The following NBEAL1 variants were observed in gnomAD, a reference collection of about 807,000 sequenced individuals.
The protein encoded by NBEAL1 is neurobeachin like 1.
A neutral mutation model predicts 351.3 loss-of-function variants in NBEAL1; 273 were observed. The ratio of observed to expected loss-of-function variants is 0.78; its 90% CI spans 0.70 to 0.86. The LOEUF (loss-of-function observed/expected upper bound fraction) is 0.86. Ranked by LOEUF, NBEAL1 falls within the 40% of genes least tolerant of loss-of-function variation. The pLI, the probability that NBEAL1 is intolerant of heterozygous loss-of-function variation, is 0.00. For missense variants in NBEAL1, 2,961 were observed against 3,201.3 expected (o/e 0.92, Z 1.81); for synonymous variants, 1,050 against 1,086.4 (o/e 0.97, Z 0.66).
intron 46 of NBEAL1, among the ~76,000 whole-genome samples, chr2:203,193,147 T>A (rs2065143363): frequency 6.6e-6 from 1 of 151,890 alleles, no homozygotes; most frequent in Middle Eastern, 3.2e-3. Context: ...AATTTTTGTA[T>A]TTTTAGTAGA....
At chr2:203,040,402 A>T (rs2061120938) in intron 2 of NBEAL1, 1 of 713,228 alleles carries the variant, frequency 1.4e-6, no homozygotes, top group Non-Finnish European at 2.5e-6. Flanking sequence ...GATTAATGGC[A>T]TGAGTTTACC....
chr2:203,161,627 TCAAA>T (rs1559025518), intron 36 of NBEAL1, among the ~76,000 whole-genome samples: 1 of 122,612 alleles, frequency 8.2e-6, no homozygotes, highest in African/African-American at 3.2e-5. Flanking sequence ...AGACTCCGTC[TCAAA>T]TAAATAAATA....
At chr2:203,037,885 T>A (rs1315555189) in intron 2 of NBEAL1, among the ~76,000 whole-genome samples, 1 of 148,766 alleles carries the variant, frequency 6.7e-6, no homozygotes, top group East Asian at 1.9e-4. Flanking sequence ...GGCTCAGGAG[T>A]TTGAGGCCAT....
At position 203,208,704 on chromosome 2, in the gene NBEAL1, T is replaced by TGAG. The variant is rs1431469471; in HGVS notation, c.7575_7577dup (p.Leu2525_Ser2526insArg). On this transcript the variant is annotated inframe_insertion, in exon 52 of 56. Coordinates refer to ENST00000683969, the MANE Select transcript of NBEAL1 (RefSeq NM_001378026.1). ...CTTTATGGACACACCAACGAGGTACTGAGTGTCGGCATCAGCACTGAGCTA... is the reference window on the plus strand; with the variant it reads ...CTTTATGGACACACCAACGAGGTACTGAGGAGTGTCGGCATCAGCACTGAGCTA... 2.0e-5 allele frequency: 32 copies of TGAG among 1,612,588 alleles called. No individual in the cohort carries two copies. Among genetic ancestry groups the TGAG allele is most frequent in the Non-Finnish European group, 2.5e-5 (30 of 1,179,712 alleles).
At chr2:203,033,951 A>AC (rs1227436019) in intron 2 of NBEAL1, among the ~76,000 whole-genome samples, 10 of 151,208 alleles carry the variant, frequency 6.6e-5, no homozygotes, top group South Asian at 4.2e-4. Context: ...CTACACATTT[A>AC]CCCCCCCACC....
At chr2:203,122,702 C>T (rs935915277) in intron 19 of NBEAL1, among the ~76,000 whole-genome samples, 14 of 152,076 alleles carry the variant, frequency 9.2e-5, no homozygotes, top group African/African-American at 2.9e-4. Context: ...TTTTCATTGG[C>T]CTCATATTTA....
chr2:203,132,058 T>A lies in NBEAL1; in HGVS notation c.3650T>A (p.Leu1217Gln). 6.4e-7 allele frequency: 1 copy of A among 1,553,854 alleles called. No homozygotes were observed. Among genetic ancestry groups the A allele is most frequent in the African/African-American group, 1.4e-5 (1 of 73,760 alleles). The change falls in exon 26 of 56, where the codon CTG (leucine) becomes CAG (glutamine). Residue 1217 changes from leucine (L) to glutamine (Q), a missense_variant. Physicochemically the swap from Leu to Gln is moderately radical, Grantham distance 113 (BLOSUM62 -2). Coordinates refer to ENST00000683969, the MANE Select transcript of NBEAL1 (RefSeq NM_001378026.1). ...CTCAGAGAAGTTGGCTACTCGGGAC[T>A]GGGACTCCTTCTTAATGAAGCACTT... is the stretch of plus-strand genomic sequence containing the variant. ...IRLREVGYSG[L>Q]GLLLNEALVN...
intron 8 of NBEAL1, among the ~76,000 whole-genome samples, chr2:203,081,921 G>A (rs2061880935): frequency 6.6e-6 from 1 of 152,142 alleles, no homozygotes; most frequent in Admixed American, 6.5e-5. Context: ...GGCAACACAG[G>A]GAGACCCTGT....
intron 7 of NBEAL1, among the ~76,000 whole-genome samples, chr2:203,075,884 C>T (rs79898360): frequency 0.026 from 3,932 of 152,200 alleles, 163 homozygotes; most frequent in African/African-American, 0.088. Flanking sequence ...GAAAGCCATG[C>T]GTAGTACCAG....
chr2:203,136,585 T>G lies in NBEAL1; in HGVS notation c.4390-14T>G, dbSNP rs1285929734. On this transcript the variant is annotated splice_polypyrimidine_tract_variant and intron_variant, in intron 28 of 55. Transcript: ENST00000683969. ...ACCCTCTAGTTATTTAAAATTACTT[T>G]ATATTTTCCATAGAGATGTGAGGAG... 1 of 1,580,242 alleles carries G rather than the reference T, an allele frequency of 6.3e-7. No homozygotes were observed. The highest frequency in any genetic ancestry group is 2.2e-5 in the East Asian group (1 of 44,624).
At chr2:203,072,039 C>A (rs1324499167) in intron 7 of NBEAL1, among the ~76,000 whole-genome samples, 1 of 152,194 alleles carries the variant, frequency 6.6e-6, no homozygotes, top group African/African-American at 2.4e-5. Flanking sequence ...CATCCTGGCC[C>A]ACTGAAACTT....
intron 27 of NBEAL1, among the ~76,000 whole-genome samples, 152 bp from the exon 28 acceptor site, chr2:203,135,525 T>C (rs2063180056): frequency 6.6e-6 from 1 of 152,212 alleles, no homozygotes. Flanking sequence ...CCAAATAGTT[T>C]ATAATCTAAT....
chr2:203,112,000 A>G lies in NBEAL1; in HGVS notation c.2104A>G (p.Met702Val). The change falls in exon 16 of 56, where the codon ATG (methionine) becomes GTG (valine). Residue 702 changes from methionine to valine, a missense_variant. By Grantham distance (21) the Met-to-Val change is conservative (BLOSUM62 1). Coordinates refer to ENST00000683969, the MANE Select transcript of NBEAL1 (RefSeq NM_001378026.1). Reference sequence around the variant, plus strand: ...CCAGCACAACATAACTGTTGTCCACATGCCTGGAAAAAGGCCTTTTGGTCA... The same window carrying G: ...CCAGCACAACATAACTGTTGTCCACGTGCCTGGAAAAAGGCCTTTTGGTCA... Reference protein sequence around the residue: ...SLWHNITVVHMPGKRPFGQSF... With the variant: ...SLWHNITVVHVPGKRPFGQSF... 6.4e-7 allele frequency: 1 copy of G among 1,551,586 alleles called. No individual in the cohort carries two copies. Among genetic ancestry groups the G allele is most frequent in the Non-Finnish European group, 8.7e-7 (1 of 1,146,988 alleles).
At chr2:203,054,064 C>T (rs1574903516) in intron 4 of NBEAL1, among the ~76,000 whole-genome samples, 1 of 152,140 alleles carries the variant, frequency 6.6e-6, no homozygotes, top group East Asian at 1.9e-4. Context: ...GATCCTCCCA[C>T]CTCAGCCTCA....
In NBEAL1 at chr2:203,167,328, C is replaced by T. The variant is rs772874763; in HGVS notation, c.5965C>T (p.Gln1989Ter). The change falls in exon 38 of 56, where the codon CAA becomes TAA. Residue 1989 changes from glutamine (Q) to a stop codon, truncating the protein, a stop_gained. Coordinates refer to ENST00000683969, the MANE Select transcript of NBEAL1 (RefSeq NM_001378026.1). LOFTEE classifies it high-confidence loss of function. ...AGCCCTTGAGATTTTTCATGTTGAC[C>T]AATCCAACTACTTTCTCAATTTCAA... Reference protein sequence around the residue: ...RSALEIFHVDQSNYFLNFKKE... With the variant: ...RSALEIFHVD 6.2e-7 allele frequency: 1 copy of T among 1,611,460 alleles called. No individual in the cohort carries two copies. The highest frequency in any genetic ancestry group is 8.5e-7 in the Non-Finnish European group (1 of 1,178,954).
intron 31 of NBEAL1, among the ~76,000 whole-genome samples, chr2:203,142,381 C>G (rs2063404172): frequency 6.6e-6 from 1 of 152,164 alleles, no homozygotes; most frequent in South Asian, 2.1e-4. Flanking sequence ...GTCTCAAACT[C>G]CTGACCTCAG....
chr2:203,055,130 G>C (rs992986166), intron 4 of NBEAL1, among the ~76,000 whole-genome samples: 1 of 152,062 alleles, frequency 6.6e-6, no homozygotes, highest in Non-Finnish European at 1.5e-5. Context: ...ATTTTCTCAT[G>C]CCTTTAAACA....
chr2:203,139,354 T>C (rs2063304779), intron 31 of NBEAL1, among the ~76,000 whole-genome samples: 1 of 152,078 alleles, frequency 6.6e-6, no homozygotes, highest in Non-Finnish European at 1.5e-5. Flanking sequence ...ATATGGTACT[T>C]GTGAGAACCT....
intron 36 of NBEAL1, among the ~76,000 whole-genome samples, chr2:203,160,304 C>T (rs1198098089): frequency 6.6e-6 from 1 of 152,122 alleles, no homozygotes; most frequent in Non-Finnish European, 1.5e-5. Flanking sequence ...TGGTCTCAAA[C>T]TCCTGACCTC....
Sources: gnomAD v4.1 joint callset for allele counts (sites outside exome capture counted in the v4.1 genomes callset) on GRCh38, gnomAD v4.1.1 for gene constraint, MANE v1.5 for transcripts, NCBI Gene and HGNC (gene_info 2026-07-23, HGNC 2026-07-21) for gene names.